The following FXR1 variants were observed in gnomAD, a reference collection of about 807,000 sequenced individuals.
FXR1 encodes the protein FMR1 autosomal homolog 1.
Under a neutral mutation model 84.0 loss-of-function variants are expected in FXR1, and 15 were observed. That is an observed-to-expected ratio of 0.18 (90% CI 0.12 to 0.27). The LOEUF (loss-of-function observed/expected upper bound fraction) is 0.27, where lower values mean the gene tolerates loss of function less well. Among genes scored for constraint, FXR1 ranks in the 10% least tolerant of loss-of-function variants. FXR1 has a pLI of 1.00. For synonymous variants in FXR1, 245 were observed against 250.7 expected (o/e 0.98, Z 0.21); for missense variants, 480 against 774.4 (o/e 0.62, Z 4.51).
chr3:180,970,054 G>T, intron 14 of FXR1, 104 bp from the exon 15 acceptor site: 1 of 553,112 alleles, frequency 1.8e-6, no homozygotes, highest in Non-Finnish European at 3.4e-6. Flanking sequence ...TTTTTATTGG[G>T]GGAGACTGAA....
At chr3:180,932,495 T>G (rs1392570177) in intron 1 of FXR1, among the ~76,000 whole-genome samples, 1 of 152,210 alleles carries the variant, frequency 6.6e-6, no homozygotes, top group African/African-American at 2.4e-5. Context: ...GCAACAGTAA[T>G]TCTACACCCA....
chr3:180,963,285 A>AT (rs1712377168), intron 13 of FXR1, among the ~76,000 whole-genome samples, 195 bp downstream of exon 13: 1 of 151,974 alleles, frequency 6.6e-6, no homozygotes, highest in Non-Finnish European at 1.5e-5. Flanking sequence ...AATATATAAA[A>AT]TTTCCAAGCA....
chr3:180,968,333 C>G, intron 14 of FXR1, 79 bp downstream of exon 14: 1 of 957,526 alleles, frequency 1.0e-6, no homozygotes, highest in South Asian at 1.4e-5. Flanking sequence ...TCTCCCAGGG[C>G]CACCCATTTT....
intron 7 of FXR1, among the ~76,000 whole-genome samples, chr3:180,950,080 CATT>C (rs1223240873): frequency 2.0e-5 from 3 of 152,114 alleles, no homozygotes; most frequent in African/African-American, 7.2e-5. Context: ...TTAAGCTTAT[CATT>C]ATATCTCTGT....
At chr3:180,961,968 A>G (rs1000279302) in intron 11 of FXR1, among the ~76,000 whole-genome samples, 2 of 152,208 alleles carry the variant, frequency 1.3e-5, no homozygotes, top group African/African-American at 4.8e-5. Flanking sequence ...CTTCCTTGGT[A>G]ACTTTGGCAT....
At chr3:180,972,602 A>G (rs1282651457) in intron 15 of FXR1, among the ~76,000 whole-genome samples, 1 of 152,224 alleles carries the variant, frequency 6.6e-6, no homozygotes, top group East Asian at 1.9e-4. Context: ...AACTAGATGT[A>G]TGGTGGTTTA....
In FXR1 at chr3:180,976,143, C is replaced by G. The variant is rs1714213501; in HGVS notation, c.1717C>G (p.His573Asp). ...GCAGGCAAAAGATGTGATTGAAGAG[C>G]ATGGTCCTTCAGAAAAGGCAATAAA... ...KEMAKDVIEE[H>D]GPSEKAINGP... The change falls in exon 17 of 17, where the codon CAT (histidine) becomes GAT (aspartate). Residue 573 changes from histidine to aspartate, a missense_variant. Transcript: ENST00000357559. The G allele has an allele frequency of 6.2e-7, 1 of 1,612,568 alleles. No homozygotes were observed. The highest frequency in any genetic ancestry group is 1.3e-5 in the African/African-American group (1 of 74,952).
At chr3:180,966,606 T>A (rs151127692) in intron 13 of FXR1, among the ~76,000 whole-genome samples, 1 of 152,330 alleles carries the variant, frequency 6.6e-6, no homozygotes, top group African/African-American at 2.4e-5. Context: ...AAAATTGTTA[T>A]ACACTCTGCC....
At chr3:180,948,645 A>G (rs1414407499) in intron 5 of FXR1, 76 bp from the exon 6 acceptor site, 3 of 962,994 alleles carry the variant, frequency 3.1e-6, no homozygotes, top group Non-Finnish European at 4.9e-6. Context: ...AAAATGAAAC[A>G]CTGACTTTGT....
chr3:180,979,767 T>C lies in FXR1; in HGVS notation c.*3475T>C. 1 of 152,060 alleles carries C rather than the reference T, an allele frequency of 6.6e-6. No homozygotes were observed. Among genetic ancestry groups the C allele is most frequent in the Non-Finnish European group, 1.5e-5 (1 of 67,946 alleles). 9.4% of individuals were successfully genotyped at this position (152,060 alleles called of 1,614,324 possible). ...GAACAGTAGGAAATTACCACTTTTG[T>C]AAGGCTCAAAAATGATCAACTATTA... On this transcript the variant is annotated 3_prime_UTR_variant, in exon 17 of 17. Transcript: ENST00000357559.
At chr3:180,971,122 C>T (rs997954480) in intron 15 of FXR1, 8 of 1,277,132 alleles carry the variant, frequency 6.3e-6, no homozygotes, top group South Asian at 1.3e-5. Flanking sequence ...CCGCAGGCGT[C>T]GCTTCAGGGG....
At chr3:180,963,780 A>G (rs1308790060) in intron 13 of FXR1, among the ~76,000 whole-genome samples, 1 of 152,112 alleles carries the variant, frequency 6.6e-6, no homozygotes, top group Non-Finnish European at 1.5e-5. Flanking sequence ...CTCTAATCCT[A>G]AATTCTCCCT....
intron 8 of FXR1, among the ~76,000 whole-genome samples, chr3:180,952,004 C>T (rs1722273425): frequency 6.6e-6 from 1 of 152,154 alleles, no homozygotes; most frequent in African/African-American, 2.4e-5. Context: ...GAGTTTGAAT[C>T]TAGCCAGGGC....
At chr3:180,937,465 G>GAA (rs1307270662) in intron 3 of FXR1, among the ~76,000 whole-genome samples, 1 of 152,102 alleles carries the variant, frequency 6.6e-6, no homozygotes, top group African/African-American at 2.4e-5. Flanking sequence ...CTTTTGTGAA[G>GAA]AAGACATTGG....
In FXR1 at chr3:180,979,862, CTG is replaced by C. The variant is rs1714530178; in HGVS notation, c.*3572_*3573del. On this transcript the variant is annotated 3_prime_UTR_variant, in exon 17 of 17. Coordinates refer to ENST00000357559, the MANE Select transcript of FXR1 (RefSeq NM_005087.4). The stretch of plus-strand genomic sequence containing the variant: ...TATCAGTGTATCATTTCAGATTCAT[CTG>C]TATCTTCTGTAATATTATTTCCAGT... 6.6e-6 allele frequency: 1 copy of C among 152,026 alleles called. No individual in the cohort carries two copies. The allele number at this position is 152,026 out of a possible 1,614,324, so 9.4% of individuals were successfully genotyped here.
chr3:180,975,431 T>G (rs769205395), intron 16 of FXR1, 27 bp downstream of exon 16: 3 of 893,712 alleles, frequency 3.4e-6, no homozygotes, highest in East Asian at 2.6e-5. Context: ...CTGTAGGTTT[T>G]TTTTTTTTTT....
Position 180,978,378 on chromosome 3 carries a change from CTT to C in FXR1, c.*2087_*2088del, listed in dbSNP as rs1276342661. 6.6e-6 allele frequency: 1 copy of C among 152,054 alleles called. No homozygotes were observed. Among genetic ancestry groups the C allele is most frequent in the Non-Finnish European group, 1.5e-5 (1 of 67,978 alleles). 9.4% of individuals were successfully genotyped at this position (152,054 alleles called of 1,614,324 possible). On this transcript the variant is annotated 3_prime_UTR_variant, in exon 17 of 17. Coordinates refer to ENST00000357559, the MANE Select transcript of FXR1 (RefSeq NM_005087.4). ...CTTTACAAATGACTAAACCCAATGTCTTGTCCTTTAAAAAATATAGGTAGTGC... is the reference window on the plus strand; with the variant it reads ...CTTTACAAATGACTAAACCCAATGTCGTCCTTTAAAAAATATAGGTAGTGC...
At position 180,977,144 on chromosome 3, in the gene FXR1, T is replaced by C. The variant is rs183311734; in HGVS notation, c.*852T>C. ...TTGTATGCAGGTAGTAAATAAACTTTGATCTTCCATTTGCTGAATTTTTTT... is the reference window on the plus strand; with the variant it reads ...TTGTATGCAGGTAGTAAATAAACTTCGATCTTCCATTTGCTGAATTTTTTT... On this transcript the variant is annotated 3_prime_UTR_variant, in exon 17 of 17. Coordinates refer to ENST00000357559, the MANE Select transcript of FXR1 (RefSeq NM_005087.4). The C allele has an allele frequency of 1.8e-3, 270 of 152,436 alleles. No individual in the cohort carries two copies. Among genetic ancestry groups the C allele is most frequent in the Middle Eastern group, 3.4e-3 (1 of 294 alleles). 9.4% of individuals were successfully genotyped at this position (152,436 alleles called of 1,614,324 possible).
At chr3:180,948,091 G>A in intron 4 of FXR1, 155 bp downstream of exon 4, 1 of 615,712 alleles carries the variant, frequency 1.6e-6, no homozygotes, top group Non-Finnish European at 2.9e-6. Context: ...ATTTCTGTTT[G>A]TGTTCTGTAT....
Sources: allele counts gnomAD v4.1 joint callset (sites outside exome capture counted in the v4.1 genomes callset), GRCh38; gene constraint gnomAD v4.1.1; transcripts MANE v1.5; gene names NCBI Gene and HGNC (gene_info 2026-07-23, HGNC 2026-07-21).